CCDC62: variants seen among roughly 807,000 people sequenced by gnomAD.
CCDC62 encodes coiled-coil domain containing 62, also known as coiled-coil domain-containing protein 62.
CCDC62 carries 72 observed loss-of-function variants against 80.8 expected under a neutral mutation model. That is an observed-to-expected ratio of 0.89 (90% CI 0.74 to 1.08). The LOEUF (loss-of-function observed/expected upper bound fraction) is 1.08, where lower values mean the gene tolerates loss of function less well. Among genes scored for constraint, CCDC62 ranks in the 50% least tolerant of loss-of-function variants. CCDC62 has a pLI of 0.00. For synonymous variants in CCDC62, 286 were observed against 296.5 expected (o/e 0.96, Z 0.36); for missense variants, 704 against 809.4 (o/e 0.87, Z 1.58).
chr12:122,780,172 A>G (rs987625518), intron 2 of CCDC62, among the ~76,000 whole-genome samples: 22 of 144,966 alleles, frequency 1.5e-4, no homozygotes, highest in African/African-American at 5.1e-4. Context: ...ATAGCCAGAC[A>G]TGGTGGTGCT....
rs2032668930 is a variant in CCDC62 at position 122,827,191 on chromosome 12, A to G, written c.*810A>G. 6.6e-6 allele frequency: 1 copy of G among 152,190 alleles called. No homozygotes were observed. The highest frequency in any genetic ancestry group is 2.4e-5 in the African/African-American group (1 of 41,444). The allele number at this position is 152,190 out of a possible 1,614,324, so 9.4% of individuals were successfully genotyped here. A position where few individuals can be genotyped will look rare whatever the true frequency, so the allele number is the denominator to read the frequency against. ...ATAGATCAACTTCAGTCCATAAAAG[A>G]TATTTTTAATATTAAAGAAAAAATA... On this transcript the variant is annotated 3_prime_UTR_variant, in exon 13 of 13. Coordinates refer to ENST00000253079, the MANE Select transcript of CCDC62 (RefSeq NM_201435.5).
intron 11 of CCDC62, among the ~76,000 whole-genome samples, chr12:122,820,772 C>T (rs142073887): frequency 0.016 from 2,396 of 147,316 alleles, 63 homozygotes; most frequent in African/African-American, 0.057. Flanking sequence ...ACCCAGGTGG[C>T]GGAGGTTGCA....
At chr12:122,796,219 G>A (rs1415987840) in intron 6 of CCDC62, among the ~76,000 whole-genome samples, 3 of 149,916 alleles carry the variant, frequency 2.0e-5, no homozygotes, top group Non-Finnish European at 4.4e-5. Context: ...AACCCCACTG[G>A]CCAACATTCA....
At chr12:122,824,664 G>A (rs1177158713) in intron 12 of CCDC62, among the ~76,000 whole-genome samples, 5 of 152,154 alleles carry the variant, frequency 3.3e-5, no homozygotes, top group African/African-American at 9.7e-5. Context: ...CCACTACTGG[G>A]TATCTACGTG....
intron 2 of CCDC62, 126 bp from the exon 3 acceptor site, chr12:122,781,038 G>T: frequency 2.9e-6 from 2 of 685,940 alleles, no homozygotes; most frequent in Non-Finnish European, 2.4e-6. Flanking sequence ...CATAATAAAA[G>T]GTTTTAAAAG....
chr12:122,812,099 A>G (rs2031917625), intron 10 of CCDC62, among the ~76,000 whole-genome samples: 1 of 152,152 alleles, frequency 6.6e-6, no homozygotes, highest in Admixed American at 6.6e-5. Flanking sequence ...TTACTTCATT[A>G]GCTGTAGTAA....
intron 2 of CCDC62, among the ~76,000 whole-genome samples, chr12:122,779,014 A>G (rs558446534): frequency 1.3e-5 from 2 of 152,368 alleles, no homozygotes; most frequent in South Asian, 4.1e-4. Context: ...TAAATGCAGT[A>G]TAACATCTTA....
intron 8 of CCDC62, among the ~76,000 whole-genome samples, chr12:122,799,037 G>T (rs181145014): frequency 6.6e-6 from 1 of 152,104 alleles, no homozygotes; most frequent in African/African-American, 2.4e-5. Flanking sequence ...CTGAGATTGC[G>T]CCACTGCACT....
intron 4 of CCDC62, 95 bp downstream of exon 4, chr12:122,785,915 T>C: frequency 1.2e-6 from 1 of 815,106 alleles, no homozygotes; most frequent in Admixed American, 2.1e-5. Flanking sequence ...CCCAGAAATG[T>C]GAAGCTACCA....
intron 12 of CCDC62, among the ~76,000 whole-genome samples, chr12:122,825,120 G>GA (rs200899303): frequency 0.023 from 3,539 of 151,272 alleles, 87 homozygotes; most frequent in South Asian, 0.061. Flanking sequence ...AATTATAGCT[G>GA]AAAAAAAATC....
intron 8 of CCDC62, 123 bp from the exon 9 acceptor site, chr12:122,801,001 C>A: frequency 2.0e-6 from 2 of 1,024,208 alleles, no homozygotes; most frequent in Non-Finnish European, 1.4e-6. Context: ...TGGAATTGGG[C>A]TCTGAGGTTC....
At chr12:122,804,249 G>A (rs564852366) in intron 9 of CCDC62, among the ~76,000 whole-genome samples, 26 of 152,292 alleles carry the variant, frequency 1.7e-4, no homozygotes, top group African/African-American at 4.8e-4. Flanking sequence ...AGCTTTTGCT[G>A]TCAAACTCAG....
At chr12:122,798,686 C>T (rs2031114234) in intron 8 of CCDC62, among the ~76,000 whole-genome samples, 1 of 152,136 alleles carries the variant, frequency 6.6e-6, no homozygotes, top group Non-Finnish European at 1.5e-5. Context: ...GAGGCTGAGG[C>T]AGGAGAATCA....
chr12:122,775,921 CTTGT>C (rs1328583294), intron 1 of CCDC62, among the ~76,000 whole-genome samples: 1 of 152,186 alleles, frequency 6.6e-6, no homozygotes, highest in East Asian at 1.9e-4. Context: ...CCTCATTATT[CTTGT>C]TTATTTACAA....
chr12:122,812,795 G>GA (rs1441275782), intron 10 of CCDC62, among the ~76,000 whole-genome samples: 1 of 145,452 alleles, frequency 6.9e-6, no homozygotes, highest in Non-Finnish European at 1.5e-5. Flanking sequence ...AAGAAAGAAA[G>GA]AAAGAAAGAA....
At chr12:122,784,894 T>C (rs11059953) in intron 3 of CCDC62, among the ~76,000 whole-genome samples, 8,476 of 151,366 alleles carry the variant, frequency 0.056, 409 homozygotes, top group East Asian at 0.27. Flanking sequence ...ATCCCAGCAC[T>C]TTGGGAGGTC....
chr12:122,797,450 C>CA, intron 7 of CCDC62, 55 bp downstream of exon 7: 1 of 987,206 alleles, frequency 1.0e-6, no homozygotes, highest in Non-Finnish European at 1.6e-6. Context: ...AAACAAATAG[C>CA]AAATTAGGAA....
chr12:122,823,811 G>A (rs893930038), intron 12 of CCDC62, among the ~76,000 whole-genome samples: 1 of 151,262 alleles, frequency 6.6e-6, no homozygotes. Context: ...GACCAGCCTG[G>A]TCTGTCACTA....
At chr12:122,803,062 T>C (rs1026235158) in intron 9 of CCDC62, among the ~76,000 whole-genome samples, 4 of 152,070 alleles carry the variant, frequency 2.6e-5, no homozygotes, top group Non-Finnish European at 4.4e-5. Context: ...TTTTTAAAAA[T>C]TGAGATGAGG....
Sources: allele counts gnomAD v4.1 joint callset (sites outside exome capture counted in the v4.1 genomes callset), GRCh38; gene constraint gnomAD v4.1.1; transcripts MANE v1.5; gene names NCBI Gene and HGNC (gene_info 2026-07-23, HGNC 2026-07-21).